Variants in PIP5K1C observed in about 807,000 individuals in gnomAD.
PIP5K1C encodes phosphatidylinositol 4-phosphate 5-kinase type-1 gamma.
A neutral mutation model predicts 80.1 loss-of-function variants in PIP5K1C; 45 were observed. The ratio of observed to expected loss-of-function variants is 0.56; its 90% CI spans 0.44 to 0.72. The LOEUF (loss-of-function observed/expected upper bound fraction) is 0.72. PIP5K1C is among the 30% of genes least tolerant of loss of function. The pLI is 0.00. For missense variants in PIP5K1C, 753 were observed against 954.6 expected (o/e 0.79, Z 2.78); for synonymous variants, 498 against 420.1 (o/e 1.19, Z -2.27).
intron 2 of PIP5K1C, among the ~76,000 whole-genome samples, chr19:3,665,165 T>C (rs985926382): frequency 2.6e-5 from 4 of 152,174 alleles, no homozygotes; most frequent in African/African-American, 9.6e-5. Flanking sequence ...TGGAGACCTC[T>C]GCCTCCTCAG....
chr19:3,700,068 C>T (rs1047337168), intron 1 of PIP5K1C, among the ~76,000 whole-genome samples: 2 of 152,020 alleles, frequency 1.3e-5, no homozygotes, highest in East Asian at 1.9e-4. Flanking sequence ...CGCCGAGTCG[C>T]CCCCGGCCCG....
chr19:3,642,269 G>A (rs1300811289), intron 14 of PIP5K1C, among the ~76,000 whole-genome samples: 3 of 152,246 alleles, frequency 2.0e-5, no homozygotes, highest in Non-Finnish European at 2.9e-5. Flanking sequence ...ACACGGTTAA[G>A]AAAAGCAACA....
chr19:3,635,548 G>T (rs543272828), intron 16 of PIP5K1C, among the ~76,000 whole-genome samples: 1 of 152,314 alleles, frequency 6.6e-6, no homozygotes, highest in Non-Finnish European at 1.5e-5. Flanking sequence ...ATTGGGGCAT[G>T]GTGGCAGGAG....
chr19:3,651,728 GC>G, intron 8 of PIP5K1C, 97 bp downstream of exon 8: 1 of 1,239,408 alleles, frequency 8.1e-7, no homozygotes, highest in Non-Finnish European at 1.2e-6. Context: ...GCCCTCGCCA[GC>G]CCTCCCTGCC....
At chr19:3,700,061 C>T (rs367936986) in intron 1 of PIP5K1C, among the ~76,000 whole-genome samples, 1 of 152,120 alleles carries the variant, frequency 6.6e-6, no homozygotes, top group Admixed American at 6.5e-5. Context: ...GCGCCCACGC[C>T]GAGTCGCCCC....
chr19:3,637,734 A>G lies in PIP5K1C; in HGVS notation c.1920+1150T>C, dbSNP rs2033761291. 1.1e-5 allele frequency: 17 copies of G among 1,522,364 alleles called. No homozygotes were observed. In the East Asian group the frequency reaches 3.7e-4, roughly 33 times the overall value. 94.3% of individuals were successfully genotyped at this position (1,522,364 alleles called of 1,614,324 possible). ...GAGGTGGCGGGGAGCAGGTGGGGAC[A>G]GCTGACTGCCAAGCAGAAGGTGGGG... On this transcript the variant is annotated intron_variant, in intron 16 of 17. Transcript: ENST00000335312. This position sits in a 1 kb window ranked among gnomAD's most constrained non-coding sequence, Gnocchi z 7.0.
Position 3,664,905 on chromosome 19 carries a change from T to G in PIP5K1C, c.136A>C (p.Met46Leu). ...TGGCCAGGGCCCGGCTGTGCCGTCA[T>G]GGACAGAACCTGGGAAGAGGAAGCA... The part of the protein sequence containing the change: ...KKAAPTEVLS[M>L]TAQPGPGHGK... The change falls in exon 3 of 18, where the codon ATG becomes CTG. Residue 46 changes from methionine (M) to leucine (L), a missense_variant. Met to Leu is a conservative substitution (Grantham distance 15, BLOSUM62 2). Around this residue, in one of 6 missense-constraint regions of PIP5K1C, gnomAD observed 78 missense variants for 67.1 expected, o/e 1.16. Transcript: ENST00000335312. 6.2e-7 allele frequency: 1 copy of G among 1,612,908 alleles called. No homozygotes were observed. Among genetic ancestry groups the G allele is most frequent in the South Asian group, 1.1e-5 (1 of 91,078 alleles).
rs373904192 is a variant in PIP5K1C, at chr19:3,643,237, G to A, written c.1649+6C>T. On this transcript the variant is annotated splice_donor_region_variant and intron_variant, in intron 13 of 17. Coordinates refer to ENST00000335312, the MANE Select transcript of PIP5K1C (RefSeq NM_012398.3). Reference sequence around the variant, plus strand: ...CGCCCACATGCACTGCGGATGCCTCGCCCACCTGTACCGCGGCTGCTCCGA... The same window carrying A: ...CGCCCACATGCACTGCGGATGCCTCACCCACCTGTACCGCGGCTGCTCCGA... 5 of 1,612,888 alleles carry A rather than the reference G, an allele frequency of 3.1e-6. No homozygotes were observed. The highest frequency in any genetic ancestry group is 4.2e-6 in the Non-Finnish European group (5 of 1,179,808).
intron 1 of PIP5K1C, among the ~76,000 whole-genome samples, chr19:3,699,333 G>C (rs1387900107): frequency 1.3e-5 from 2 of 149,770 alleles, no homozygotes; most frequent in African/African-American, 4.9e-5. Flanking sequence ...TTCAAGGCGG[G>C]GGGTGGGGGG....
intron 6 of PIP5K1C, 102 bp from the exon 7 acceptor site, chr19:3,653,691 G>A: frequency 4.5e-6 from 5 of 1,115,882 alleles, no homozygotes; most frequent in Non-Finnish European, 5.1e-6. Context: ...GATGCCCCTG[G>A]CCAGCCCCCC....
chr19:3,654,620 A>G (rs753751165), intron 6 of PIP5K1C, among the ~76,000 whole-genome samples: 9 of 151,892 alleles, frequency 5.9e-5, no homozygotes, highest in Non-Finnish European at 1.2e-4. Flanking sequence ...GTTTGAGACC[A>G]GCCTGGCCAA....
chr19:3,699,884 G>A (rs181507506), intron 1 of PIP5K1C, among the ~76,000 whole-genome samples: 1 of 152,306 alleles, frequency 6.6e-6, no homozygotes, highest in African/African-American at 2.4e-5. Flanking sequence ...AGGAAGGTGA[G>A]GAAAGGTCGC....
intron 1 of PIP5K1C, among the ~76,000 whole-genome samples, chr19:3,698,495 C>T (rs984270463): frequency 2.6e-5 from 4 of 152,222 alleles, no homozygotes; most frequent in African/African-American, 9.6e-5. Context: ...GCAAGCAGTT[C>T]ACAGAGTCAT....
chr19:3,661,132 T>G, intron 4 of PIP5K1C, 49 bp from the exon 5 acceptor site: 1 of 1,246,244 alleles, frequency 8.0e-7, no homozygotes, highest in South Asian at 1.2e-5. Flanking sequence ...TGGGCACCTC[T>G]CCCCCACCCC....
chr19:3,695,723 C>T (rs1477415787), intron 1 of PIP5K1C, among the ~76,000 whole-genome samples: 1 of 146,848 alleles, frequency 6.8e-6, no homozygotes, highest in Middle Eastern at 3.3e-3. Context: ...CACAATCCCA[C>T]TGACCCTTTT....
chr19:3,643,748 C>T (rs74726654), intron 12 of PIP5K1C, among the ~76,000 whole-genome samples: 13,652 of 146,094 alleles, frequency 0.093, 781 homozygotes, highest in East Asian at 0.34. Flanking sequence ...AGGTGTGGTC[C>T]TGCCCCAGGG....
intron 2 of PIP5K1C, 58 bp downstream of exon 2, chr19:3,667,264 A>G: frequency 6.8e-7 from 1 of 1,477,548 alleles, no homozygotes. Flanking sequence ...CTCCGCGAGT[A>G]GGGAGGCAGC....
intron 1 of PIP5K1C, among the ~76,000 whole-genome samples, chr19:3,698,202 G>A (rs1000695645): frequency 1.3e-5 from 2 of 152,238 alleles, no homozygotes; most frequent in African/African-American, 4.8e-5. Context: ...CGATGGTGGA[G>A]AGGCCGGAAA....
intron 1 of PIP5K1C, among the ~76,000 whole-genome samples, chr19:3,682,726 C>A (rs2035625340): frequency 6.6e-6 from 1 of 152,100 alleles, no homozygotes; most frequent in African/African-American, 2.4e-5. Context: ...AGAGCAGAAG[C>A]TCTCTTGGAA....
Sources: gnomAD v4.1 joint callset for allele counts (sites outside exome capture counted in the v4.1 genomes callset) on GRCh38, gnomAD v4.1.1 for gene constraint, gnomAD v4.1.1 regional missense constraint, Gnocchi (gnomAD v3.1) non-coding constraint, MANE v1.5 for transcripts, NCBI Gene and HGNC (gene_info 2026-07-23, HGNC 2026-07-21) for gene names.